The following EEFSEC variants were observed in gnomAD, a reference collection of about 807,000 sequenced individuals.
EEFSEC encodes eukaryotic elongation factor, selenocysteine-tRNA specific.
Under a neutral mutation model 42.1 loss-of-function variants are expected in EEFSEC, and 43 were observed. The ratio of observed to expected loss-of-function variants is 1.02; its 90% CI spans 0.80 to 1.32. The LOEUF is 1.32. Ranked by LOEUF, EEFSEC falls within the 40% of genes most tolerant of loss-of-function variation. EEFSEC has a pLI of 0.00. For missense variants in EEFSEC, 745 were observed against 803.6 expected, an observed-to-expected ratio of 0.93 and a Z score of 0.88; for synonymous variants, 354 against 339.1, an observed-to-expected ratio of 1.04 and a Z score of -0.48.
At chr3:128,406,386 C>A (rs1398361375) in intron 6 of EEFSEC, among the ~76,000 whole-genome samples, 2 of 152,118 alleles carry the variant, frequency 1.3e-5, no homozygotes, top group Non-Finnish European at 2.9e-5. Context: ...ATGGGGAGAT[C>A]TTGGTCAAAG....
intron 1 of EEFSEC, among the ~76,000 whole-genome samples, chr3:128,208,819 G>A (rs1157639227): frequency 1.3e-5 from 2 of 152,162 alleles, no homozygotes; most frequent in Non-Finnish European, 2.9e-5. Context: ...TTGGCACATC[G>A]GCTTATTAAA....
At chr3:128,301,373 C>T (rs139536469) in intron 4 of EEFSEC, among the ~76,000 whole-genome samples, 12 of 152,306 alleles carry the variant, frequency 7.9e-5, no homozygotes, top group African/African-American at 2.4e-4. Flanking sequence ...CCCTGTGAAG[C>T]CTGATCATGC....
At chr3:128,416,339 C>G in the EEFSEC span, among the ~76,000 whole-genome samples, 46 of 152,288 alleles carry the variant, frequency 3.0e-4, no homozygotes, top group Non-Finnish European at 5.6e-4. Context: ...CCTGCAGGAC[C>G]TCCCCACAGC....
chr3:128,403,809 C>T (rs1021128895), intron 6 of EEFSEC, among the ~76,000 whole-genome samples: 1 of 152,220 alleles, frequency 6.6e-6, no homozygotes, highest in African/African-American at 2.4e-5. Context: ...TCCTCCTCCT[C>T]CTCCCTTGGA....
chr3:128,389,832 G>T (rs1203548563), intron 6 of EEFSEC, among the ~76,000 whole-genome samples: 1 of 152,230 alleles, frequency 6.6e-6, no homozygotes, highest in Non-Finnish European at 1.5e-5. Flanking sequence ...GGCCCCAGAT[G>T]TGAACTAACT....
chr3:128,201,045 A>T (rs1033211856), intron 1 of EEFSEC, among the ~76,000 whole-genome samples: 11 of 152,180 alleles, frequency 7.2e-5, no homozygotes, highest in African/African-American at 2.7e-4. Flanking sequence ...TTATCCATGC[A>T]CCACCTTTAT....
intron 2 of EEFSEC, among the ~76,000 whole-genome samples, chr3:128,255,465 C>T (rs575438729): frequency 1.3e-5 from 2 of 152,258 alleles, no homozygotes; most frequent in South Asian, 2.1e-4. Flanking sequence ...CGAACCCTGG[C>T]CCCCGTTCCT....
intron 1 of EEFSEC, among the ~76,000 whole-genome samples, chr3:128,223,238 G>A (rs2065877905): frequency 6.6e-6 from 1 of 152,162 alleles, no homozygotes; most frequent in Non-Finnish European, 1.5e-5. Context: ...TGAATCTAGG[G>A]CCCTCCCAGG....
At chr3:128,416,185 C>T in the EEFSEC span, among the ~76,000 whole-genome samples, 10 of 152,298 alleles carry the variant, frequency 6.6e-5, no homozygotes, top group South Asian at 1.2e-3. Flanking sequence ...AGGGGCCCAC[C>T]GGAGAAGCAC....
chr3:128,264,678 T>C lies in EEFSEC; in HGVS notation c.683T>C (p.Val228Ala), dbSNP rs2066334013. ...CCCTCGGGACCGTTCCTCATGTCTG[T>C]GGACCACTGTTTCTCCATCAAAGGC... ...RDPSGPFLMS[V>A]DHCFSIKGQG... Residue 228 changes from valine (V) to alanine (A), a missense_variant, in exon 4 of 7, where the codon GTG becomes GCG. Physicochemically the swap from Val to Ala is moderately conservative, Grantham distance 64. Transcript: ENST00000254730. 1 of 1,614,126 alleles carries C rather than the reference T, an allele frequency of 6.2e-7. No homozygotes were observed.
chr3:128,161,902 C>A (rs1389951469), intron 1 of EEFSEC, among the ~76,000 whole-genome samples: 1 of 152,194 alleles, frequency 6.6e-6, no homozygotes, highest in Non-Finnish European at 1.5e-5. Context: ...CTGCTCCAGG[C>A]AGAAATAACA....
At chr3:128,420,686 CAGTGAAAGATGACA>C in the EEFSEC span, among the ~76,000 whole-genome samples, 1 of 152,210 alleles carries the variant, frequency 6.6e-6, no homozygotes, top group African/African-American at 2.4e-5. Flanking sequence ...TGCAGAGCCC[CAGTGAAAGATGACA>C]GGACAGTACC....
chr3:128,406,928 A>G (rs1408214216), intron 6 of EEFSEC, among the ~76,000 whole-genome samples: 2 of 151,968 alleles, frequency 1.3e-5, no homozygotes, highest in African/African-American at 4.8e-5. Context: ...TTGTCAATTT[A>G]AAAATGAAAA....
At chr3:128,191,291 T>TA (rs981980940) in intron 1 of EEFSEC, among the ~76,000 whole-genome samples, 6 of 152,064 alleles carry the variant, frequency 3.9e-5, no homozygotes, top group African/African-American at 1.4e-4. Flanking sequence ...TTTACAAAAT[T>TA]AAAAAAATTA....
chr3:128,288,198 C>T (rs1041301974), intron 4 of EEFSEC, among the ~76,000 whole-genome samples: 2 of 151,934 alleles, frequency 1.3e-5, no homozygotes, highest in African/African-American at 4.8e-5. Flanking sequence ...TTCAAGTAAG[C>T]GATTTTGGTT....
At chr3:128,225,287 C>T (rs2107854825) in intron 1 of EEFSEC, among the ~76,000 whole-genome samples, 1 of 152,266 alleles carries the variant, frequency 6.6e-6, no homozygotes, top group East Asian at 1.9e-4. Flanking sequence ...CAAGTCCAGC[C>T]CCAGCCCTGG....
intron 4 of EEFSEC, among the ~76,000 whole-genome samples, chr3:128,269,014 C>T (rs1037750485): frequency 7.2e-5 from 11 of 152,200 alleles, no homozygotes; most frequent in African/African-American, 2.4e-4. Flanking sequence ...CTTTGGCTTC[C>T]TCGCAGGGAG....
chr3:128,352,581 C>T (rs1238998529), intron 5 of EEFSEC, among the ~76,000 whole-genome samples: 4 of 152,228 alleles, frequency 2.6e-5, no homozygotes, highest in Non-Finnish European at 4.4e-5. Context: ...AGGGGGCCTT[C>T]CATTAGTCAG....
intron 4 of EEFSEC, among the ~76,000 whole-genome samples, chr3:128,337,596 C>G (rs1248201284): frequency 6.6e-6 from 1 of 152,212 alleles, no homozygotes; most frequent in Non-Finnish European, 1.5e-5. Flanking sequence ...AGGGGCATTT[C>G]TTTTCCAGAA....
Sources: gnomAD v4.1 joint callset for allele counts (sites outside exome capture counted in the v4.1 genomes callset) on GRCh38, gnomAD v4.1.1 for gene constraint, MANE v1.5 for transcripts, NCBI Gene and HGNC (gene_info 2026-07-23, HGNC 2026-07-21) for gene names.